Variants in PUM1 observed in about 807,000 individuals in gnomAD.
The protein encoded by PUM1 is pumilio RNA binding family member 1.
Under a neutral mutation model 131.8 loss-of-function variants are expected in PUM1, and 13 were observed. That is an observed-to-expected ratio of 0.10 (90% CI 0.06 to 0.16). The LOEUF (loss-of-function observed/expected upper bound fraction) is 0.16. PUM1 is among the 10% of genes least tolerant of loss of function. PUM1 has a pLI of 1.00. For missense variants in PUM1, 961 were observed against 1,512.4 expected (o/e 0.64, Z 6.05); for synonymous variants, 509 against 556.5 (o/e 0.91, Z 1.20).
intron 2 of PUM1, among the ~76,000 whole-genome samples, chr1:31,031,951 A>G (rs1570312958): frequency 6.9e-6 from 1 of 145,698 alleles, no homozygotes. Flanking sequence ...CACCCTCCCC[A>G]CCTCCCTCTT....
At chr1:31,032,647 T>G (rs1356666619) in intron 2 of PUM1, among the ~76,000 whole-genome samples, 3 of 151,874 alleles carry the variant, frequency 2.0e-5, no homozygotes, top group African/African-American at 7.3e-5. Context: ...AATGAAAAAT[T>G]AAAAGTATCA....
At chr1:31,003,483 G>A (rs1388671531) in intron 5 of PUM1, among the ~76,000 whole-genome samples, 1 of 152,154 alleles carries the variant, frequency 6.6e-6, no homozygotes. Flanking sequence ...CTGGCCGGGC[G>A]CGGTGGCTCA....
intron 5 of PUM1, among the ~76,000 whole-genome samples, chr1:30,996,386 C>T (rs562641438): frequency 2.0e-5 from 3 of 152,258 alleles, no homozygotes; most frequent in African/African-American, 7.2e-5. Flanking sequence ...AGCAGACACT[C>T]GGTTATAAAT....
intron 2 of PUM1, among the ~76,000 whole-genome samples, chr1:31,056,994 T>G (rs976113112): frequency 4.6e-5 from 7 of 152,142 alleles, no homozygotes; most frequent in African/African-American, 1.7e-4. Context: ...GGTTTCACCA[T>G]GTTGGTCAGG....
chr1:31,052,554 A>G (rs1644136979), intron 2 of PUM1, among the ~76,000 whole-genome samples: 1 of 151,864 alleles, frequency 6.6e-6, no homozygotes, highest in Non-Finnish European at 1.5e-5. Context: ...TATTGTAGAT[A>G]CAGTGTCTCA....
intron 20 of PUM1, among the ~76,000 whole-genome samples, chr1:30,939,866 ACTT>A (rs759174554): frequency 3.9e-5 from 6 of 152,170 alleles, no homozygotes; most frequent in East Asian, 1.9e-4. Context: ...AAAAATAAAA[ACTT>A]CTTTTTTTTT....
At chr1:31,053,690 T>C (rs908681298) in intron 2 of PUM1, among the ~76,000 whole-genome samples, 4 of 151,024 alleles carry the variant, frequency 2.6e-5, no homozygotes, top group African/African-American at 9.7e-5. Context: ...TCCAGGCTGC[T>C]CTCGAACTCC....
chr1:30,937,907 G>T (rs968981567), intron 20 of PUM1, among the ~76,000 whole-genome samples: 8 of 151,976 alleles, frequency 5.3e-5, no homozygotes, highest in Admixed American at 5.2e-4. Context: ...GAGCACCTGG[G>T]ATTACAGATG....
intron 2 of PUM1, among the ~76,000 whole-genome samples, chr1:31,056,609 C>CTTTTCTTTTTTTTTTTTTTTTTTTT (rs1644245029): frequency 6.9e-5 from 3 of 43,688 alleles, no homozygotes; most frequent in Admixed American, 4.0e-4. Flanking sequence ...CTTTTCTTTT[C>CTTTTCTTTTTTTTTTTTTTTTTTTT]TTTTTTTTTT....
At chr1:30,966,447 T>C (rs1290014816) in intron 12 of PUM1, 169 bp from the exon 13 acceptor site, 2 of 642,822 alleles carry the variant, frequency 3.1e-6, no homozygotes, top group East Asian at 2.9e-5. Context: ...CTATTTTCTG[T>C]TTCTACTTTC....
chr1:30,952,755 C>G (rs1445068089), intron 15 of PUM1, among the ~76,000 whole-genome samples: 10 of 149,986 alleles, frequency 6.7e-5, no homozygotes, highest in Non-Finnish European at 1.5e-4. Context: ...CAACATGTAC[C>G]CTACTTGACT....
At chr1:31,012,828 C>G (rs946666986) in intron 3 of PUM1, among the ~76,000 whole-genome samples, 1 of 152,116 alleles carries the variant, frequency 6.6e-6, no homozygotes, top group Non-Finnish European at 1.5e-5. Flanking sequence ...TCAAGAAACT[C>G]TAAGCTTCTT....
chr1:30,971,906 A>G (rs1640885323), intron 10 of PUM1, among the ~76,000 whole-genome samples: 1 of 152,144 alleles, frequency 6.6e-6, no homozygotes, highest in African/African-American at 2.4e-5. Flanking sequence ...GCAGCCATTT[A>G]AACAAAAAGA....
intron 3 of PUM1, among the ~76,000 whole-genome samples, chr1:31,023,015 A>G (rs1460693852): frequency 1.3e-5 from 2 of 152,000 alleles, no homozygotes; most frequent in African/African-American, 4.8e-5. Context: ...TTAAAAAAAA[A>G]TACAACAAAT....
intron 3 of PUM1, among the ~76,000 whole-genome samples, chr1:31,020,702 T>C (rs570899187): frequency 6.6e-6 from 1 of 152,324 alleles, no homozygotes; most frequent in East Asian, 1.9e-4. Context: ...AAATTTTTGA[T>C]CTGAAAAAGA....
At chr1:30,995,809 T>C (rs1057066843) in intron 5 of PUM1, among the ~76,000 whole-genome samples, 2 of 152,214 alleles carry the variant, frequency 1.3e-5, no homozygotes, top group Non-Finnish European at 2.9e-5. Context: ...CTCCCAGCTC[T>C]ACCCTATAAG....
intron 1 of PUM1, among the ~76,000 whole-genome samples, 192 bp downstream of exon 1, chr1:31,065,421 TAAC>T (rs1213056230): frequency 6.7e-6 from 1 of 150,238 alleles, no homozygotes; most frequent in Non-Finnish European, 1.5e-5. Flanking sequence ...CCTCCTTTGA[TAAC>T]AATAGGGGCC....
At chr1:31,005,007 G>C (rs1159063331) in intron 5 of PUM1, among the ~76,000 whole-genome samples, 2 of 152,338 alleles carry the variant, frequency 1.3e-5, no homozygotes, top group Middle Eastern at 6.8e-3. Context: ...AGGAGAAAGG[G>C]AGGGAAGAAG....
intron 17 of PUM1, chr1:30,949,048 C>T: frequency 2.2e-6 from 1 of 457,254 alleles, no homozygotes; most frequent in Non-Finnish European, 4.4e-6. Flanking sequence ...CAGCCTTCAA[C>T]TGCCACTGCC....
Sources: allele counts gnomAD v4.1 joint callset (sites outside exome capture counted in the v4.1 genomes callset), GRCh38; gene constraint gnomAD v4.1.1; transcripts MANE v1.5; gene names NCBI Gene and HGNC (gene_info 2026-07-23, HGNC 2026-07-21).